ATP6V1A: variants seen among roughly 807,000 people sequenced by gnomAD.
The protein encoded by ATP6V1A is ATPase H+ transporting V1 subunit A.
A neutral mutation model predicts 70.1 loss-of-function variants in ATP6V1A; 18 were observed. The observed-to-expected ratio is 0.26, with a 90% CI of 0.18 to 0.38. The LOEUF is 0.38. Ranked by LOEUF, ATP6V1A falls within the 10% of genes least tolerant of loss-of-function variation. The probability of loss-of-function intolerance (pLI) is 1.00; values close to 1 mark genes in which losing one functional copy is unlikely to be tolerated. For missense variants in ATP6V1A, 424 were observed against 772.4 expected (o/e 0.55, Z 5.35); for synonymous variants, 232 against 253.8 (o/e 0.91, Z 0.82).
At chr3:113,763,403 T>C (rs545471151) in intron 1 of ATP6V1A, among the ~76,000 whole-genome samples, 33 of 152,370 alleles carry the variant, frequency 2.2e-4, no homozygotes, top group African/African-American at 7.2e-4. Flanking sequence ...TGTATTCTTA[T>C]AGAGTAGCTC....
intron 12 of ATP6V1A, among the ~76,000 whole-genome samples, chr3:113,799,123 C>A (rs1709183451): frequency 6.6e-6 from 1 of 151,762 alleles, no homozygotes; most frequent in African/African-American, 2.4e-5. Flanking sequence ...CAGATAAAGA[C>A]AATACAAGAA....
chr3:113,799,939 C>T (rs929955316), intron 12 of ATP6V1A, among the ~76,000 whole-genome samples: 7 of 151,940 alleles, frequency 4.6e-5, no homozygotes, highest in East Asian at 3.9e-4. Context: ...ATTAAAAAGA[C>T]GCCACTTCTC....
intron 11 of ATP6V1A, among the ~76,000 whole-genome samples, chr3:113,796,740 AG>A: frequency 6.6e-6 from 1 of 152,364 alleles, no homozygotes; most frequent in Admixed American, 6.5e-5. Flanking sequence ...GAAATGTCAG[AG>A]GCTAAATGTA....
chr3:113,769,129 G>A (rs966817290), intron 1 of ATP6V1A, among the ~76,000 whole-genome samples: 27 of 152,152 alleles, frequency 1.8e-4, no homozygotes, highest in African/African-American at 6.3e-4. Flanking sequence ...CATTCTAATA[G>A]GATTGCTAGG....
At chr3:113,800,246 A>AAG (rs1491424712) in intron 12 of ATP6V1A, among the ~76,000 whole-genome samples, 6 of 151,914 alleles carry the variant, frequency 3.9e-5, no homozygotes, top group African/African-American at 1.5e-4. Flanking sequence ...AAAAAAAAAA[A>AAG]AGACGCAATT....
chr3:113,764,530 T>C (rs1286478153), intron 1 of ATP6V1A, among the ~76,000 whole-genome samples: 2 of 152,178 alleles, frequency 1.3e-5, no homozygotes, highest in African/African-American at 4.8e-5. Flanking sequence ...TATAAGCATA[T>C]TGCTTCTGAA....
chr3:113,791,773 C>T (rs983698768), intron 8 of ATP6V1A, among the ~76,000 whole-genome samples: 1 of 151,876 alleles, frequency 6.6e-6, no homozygotes, highest in African/African-American at 2.4e-5. Flanking sequence ...TTTTATTCAT[C>T]CCTATCTTCC....
At chr3:113,787,077 G>A (rs1000292230) in intron 6 of ATP6V1A, among the ~76,000 whole-genome samples, 2 of 152,148 alleles carry the variant, frequency 1.3e-5, no homozygotes, top group Non-Finnish European at 2.9e-5. Flanking sequence ...ATTGCACCCG[G>A]CCACCATGTT....
chr3:113,779,299 ATTTT>A (rs1198049103), intron 2 of ATP6V1A: 17 of 149,372 alleles, frequency 1.1e-4, no homozygotes, highest in African/African-American at 4.1e-4. Context: ...TTGAATGGTT[ATTTT>A]AAGTGTCACA....
intron 1 of ATP6V1A, among the ~76,000 whole-genome samples, chr3:113,774,996 T>C (rs1559753525): frequency 6.6e-6 from 1 of 152,088 alleles, no homozygotes; most frequent in South Asian, 2.1e-4. Context: ...AAGATTATAC[T>C]TTGAGGGACA....
intron 1 of ATP6V1A, among the ~76,000 whole-genome samples, chr3:113,765,860 G>T (rs1376752886): frequency 1.3e-5 from 2 of 151,934 alleles, no homozygotes; most frequent in Non-Finnish European, 2.9e-5. Flanking sequence ...CCAGGAGGCG[G>T]AGGTTGCAGT....
At chr3:113,791,977 A>G (rs1044175263) in intron 8 of ATP6V1A, among the ~76,000 whole-genome samples, 2 of 148,938 alleles carry the variant, frequency 1.3e-5, no homozygotes, top group Non-Finnish European at 3.0e-5. Context: ...ATTTTTCCAT[A>G]CCCTTATTTG....
chr3:113,788,616 T>A (rs1202601520), intron 6 of ATP6V1A, 97 bp from the exon 7 acceptor site: 3 of 1,158,470 alleles, frequency 2.6e-6, no homozygotes, highest in Non-Finnish European at 3.6e-6. Flanking sequence ...CAAGTGCTGC[T>A]GGGATTACAG....
chr3:113,774,067 A>G (rs1250740404), intron 1 of ATP6V1A, among the ~76,000 whole-genome samples: 1 of 152,174 alleles, frequency 6.6e-6, no homozygotes, highest in Non-Finnish European at 1.5e-5. Context: ...CTAGGAAAAA[A>G]AAAAAACTAG....
At chr3:113,787,942 A>T (rs920134731) in intron 6 of ATP6V1A, among the ~76,000 whole-genome samples, 10 of 152,112 alleles carry the variant, frequency 6.6e-5, no homozygotes, top group Non-Finnish European at 1.2e-4. Flanking sequence ...TTTTTAAGAG[A>T]TAGGTTATCA....
At chr3:113,769,130 G>T (rs978072978) in intron 1 of ATP6V1A, among the ~76,000 whole-genome samples, 1 of 152,188 alleles carries the variant, frequency 6.6e-6, no homozygotes, top group Non-Finnish European at 1.5e-5. Context: ...ATTCTAATAG[G>T]ATTGCTAGGT....
At chr3:113,790,470 C>A (rs1709079715) in intron 8 of ATP6V1A, among the ~76,000 whole-genome samples, 1 of 151,784 alleles carries the variant, frequency 6.6e-6, no homozygotes, top group African/African-American at 2.4e-5. Context: ...ATACTTGTAC[C>A]TTTGTAACTT....
rs113255668 is a variant in ATP6V1A at position 113,779,988 on chromosome 3, C to T, written c.83-1062C>T. Among the ~76,000 whole-genome samples, 560 of 152,156 alleles carry T rather than the reference C, an allele frequency of 3.7e-3. 7 individuals are homozygous for T. The highest frequency in any genetic ancestry group is 0.013 in the African/African-American group (536 of 41,520). ...TTACCTAGGTTTTAAGCCCCACGTG[C>T]GTTAGGTATTTGTCCTAATGCTCTC... On this transcript the variant is annotated intron_variant, in intron 2 of 14. Coordinates refer to ENST00000273398, the MANE Select transcript of ATP6V1A (RefSeq NM_001690.4).
chr3:113,804,157 ATTT>A (rs761414902), intron 13 of ATP6V1A, among the ~76,000 whole-genome samples: 1 of 140,978 alleles, frequency 7.1e-6, no homozygotes, highest in Non-Finnish European at 1.6e-5. Context: ...TGCCCAGCTA[ATTT>A]TTTTTTTTTT....
Sources: gnomAD v4.1 joint callset for allele counts (sites outside exome capture counted in the v4.1 genomes callset) on GRCh38, gnomAD v4.1.1 for gene constraint, MANE v1.5 for transcripts, NCBI Gene and HGNC (gene_info 2026-07-23, HGNC 2026-07-21) for gene names.